NCKAP5: variants seen among roughly 807,000 people sequenced by gnomAD.
NCKAP5 encodes the protein NCK associated protein 5, also known as nck-associated protein 5.
In NCKAP5, 92 loss-of-function variants were observed where a neutral mutation model predicts 167.0. The ratio of observed to expected loss-of-function variants is 0.55; its 90% CI spans 0.47 to 0.66. NCKAP5 has a LOEUF of 0.66. Among genes scored for constraint, NCKAP5 ranks in the 30% least tolerant of loss-of-function variants. NCKAP5 has a pLI of 0.00. For missense variants in NCKAP5, 2,378 were observed against 2,315.0 expected (o/e 1.03, Z -0.56); for synonymous variants, 891 against 877.4 (o/e 1.02, Z -0.27).
intron 8 of NCKAP5, among the ~76,000 whole-genome samples, chr2:132,911,479 G>GT (rs1558932119): frequency 6.6e-6 from 1 of 152,090 alleles, no homozygotes; most frequent in African/African-American, 2.4e-5. Flanking sequence ...TGCCTCTCTT[G>GT]TATCAGGTAA....
At chr2:132,780,321 T>C (rs1330266629) in intron 15 of NCKAP5, among the ~76,000 whole-genome samples, 1 of 152,118 alleles carries the variant, frequency 6.6e-6, no homozygotes, top group African/African-American at 2.4e-5. Context: ...CTGGCTAATT[T>C]TTTGTATTTT....
chr2:132,855,079 A>G (rs959230711), intron 11 of NCKAP5, among the ~76,000 whole-genome samples: 22 of 152,138 alleles, frequency 1.4e-4, no homozygotes, highest in African/African-American at 5.3e-4. Context: ...TCTTTTGTAT[A>G]GCTCTTACTT....
At chr2:132,929,334 T>A (rs1482470931) in intron 8 of NCKAP5, among the ~76,000 whole-genome samples, 1 of 152,242 alleles carries the variant, frequency 6.6e-6, no homozygotes, top group Non-Finnish European at 1.5e-5. Flanking sequence ...TCTAACACTA[T>A]GACTGTTTGA....
chr2:133,656,312 C>CA, the NCKAP5 span, among the ~76,000 whole-genome samples: 1 of 151,678 alleles, frequency 6.6e-6, no homozygotes, highest in Non-Finnish European at 1.5e-5. Context: ...GAAAATTAGG[C>CA]AAAAAACACA....
intron 16 of NCKAP5, among the ~76,000 whole-genome samples, chr2:132,763,027 A>G (rs1681148209): frequency 2.6e-5 from 4 of 152,202 alleles, no homozygotes; most frequent in Admixed American, 2.6e-4. Context: ...TCTATTTATC[A>G]CAGCACACCA....
intron 9 of NCKAP5, among the ~76,000 whole-genome samples, chr2:132,874,188 G>A (rs1391725416): frequency 1.4e-5 from 2 of 143,662 alleles, no homozygotes; most frequent in East Asian, 2.1e-4. Flanking sequence ...AGCTCACTGC[G>A]ACCTTCACCT....
At chr2:133,489,283 C>T (rs546494029) in intron 3 of NCKAP5, among the ~76,000 whole-genome samples, 22 of 152,306 alleles carry the variant, frequency 1.4e-4, no homozygotes, top group African/African-American at 5.3e-4. Context: ...TTTCTGCAGA[C>T]ACAGGGGTTA....
intron 3 of NCKAP5, among the ~76,000 whole-genome samples, chr2:133,448,507 G>A (rs1057042122): frequency 2.0e-5 from 3 of 152,156 alleles, no homozygotes; most frequent in African/African-American, 7.2e-5. Context: ...GTATGTTCTT[G>A]GTTTGGTTTT....
chr2:133,471,591 T>G (rs1679323507), intron 3 of NCKAP5, among the ~76,000 whole-genome samples: 1 of 152,132 alleles, frequency 6.6e-6, no homozygotes, highest in African/African-American at 2.4e-5. Context: ...GGGGTATATA[T>G]ACTTAGAAAG....
intron 8 of NCKAP5, among the ~76,000 whole-genome samples, chr2:132,900,528 A>G (rs1000486733): frequency 8.5e-5 from 13 of 152,194 alleles, no homozygotes; most frequent in African/African-American, 2.4e-4. Context: ...ACATACATCA[A>G]TGACATCAGA....
intron 6 of NCKAP5, among the ~76,000 whole-genome samples, chr2:133,015,741 C>A (rs998738651): frequency 3.7e-4 from 57 of 152,152 alleles, no homozygotes; most frequent in African/African-American, 1.3e-3. Flanking sequence ...AAGGAACTTA[C>A]TACTGCTTAA....
intron 3 of NCKAP5, among the ~76,000 whole-genome samples, chr2:133,331,397 A>AT (rs2150725891): frequency 6.6e-6 from 1 of 152,284 alleles, no homozygotes; most frequent in Non-Finnish European, 1.5e-5. Flanking sequence ...GTCAATTAGC[A>AT]TTTTCATCTT....
At chr2:133,231,898 T>C (rs2087167054) in intron 4 of NCKAP5, among the ~76,000 whole-genome samples, 1 of 152,230 alleles carries the variant, frequency 6.6e-6, no homozygotes, top group African/African-American at 2.4e-5. Flanking sequence ...TGCTAGTCAT[T>C]TTCCGAAATC....
At chr2:133,466,401 T>C (rs374491699) in intron 3 of NCKAP5, among the ~76,000 whole-genome samples, 3 of 150,482 alleles carry the variant, frequency 2.0e-5, no homozygotes, top group South Asian at 4.3e-4. Context: ...CATGCTGTTT[T>C]GGTTACTGTA....
intron 15 of NCKAP5, among the ~76,000 whole-genome samples, chr2:132,776,150 C>G (rs533903783): frequency 6.6e-6 from 1 of 152,340 alleles, no homozygotes; most frequent in East Asian, 1.9e-4. Flanking sequence ...TGTCCTGTTA[C>G]AGCTATCCTT....
intron 6 of NCKAP5, among the ~76,000 whole-genome samples, chr2:133,008,303 C>A (rs974786842): frequency 3.3e-5 from 5 of 152,198 alleles, no homozygotes; most frequent in African/African-American, 9.6e-5. Context: ...CCAGCCTACA[C>A]AATTACTTTC....
At chr2:132,975,004 G>T (rs749690687) in intron 7 of NCKAP5, among the ~76,000 whole-genome samples, 11 of 152,206 alleles carry the variant, frequency 7.2e-5, no homozygotes, top group Non-Finnish European at 1.5e-4. Flanking sequence ...TGGTGGTGAG[G>T]AGGGTGTGCA....
In NCKAP5 at chr2:132,765,309, T is replaced by TTA. The variant is rs1491417927; in HGVS notation, c.5128+8506_5128+8507insTA. On this transcript the variant is annotated intron_variant, in intron 16 of 19. Transcript: ENST00000409261. Reference sequence around the variant, plus strand: ...GTTTTCCTATGGATTTCTTTCTTTCTTTTTTTTTTTTTTTTTTTTTGAGAC... The same window carrying TTA: ...GTTTTCCTATGGATTTCTTTCTTTCTTATTTTTTTTTTTTTTTTTTTTGAGAC... 3.3e-3 allele frequency among the ~76,000 whole-genome samples: 242 copies of TTA among 73,898 alleles called. 1 individual carries two copies. The highest frequency in any genetic ancestry group is 0.017 in the African/African-American group (222 of 12,996). The allele number at this position is 73,898 out of a possible 152,430, so 48.5% of individuals were successfully genotyped here.
chr2:132,715,037 G>A (rs1689233227), intron 19 of NCKAP5: 2 of 369,776 alleles, frequency 5.4e-6, no homozygotes, highest in Non-Finnish European at 1.1e-5. Flanking sequence ...TATAGTAAGT[G>A]TATATCTCTA....
Sources: gnomAD v4.1 joint callset for allele counts (sites outside exome capture counted in the v4.1 genomes callset) on GRCh38, gnomAD v4.1.1 for gene constraint, MANE v1.5 for transcripts, NCBI Gene and HGNC (gene_info 2026-07-23, HGNC 2026-07-21) for gene names.